NTM: variants seen among roughly 807,000 people sequenced by gnomAD.
The protein encoded by NTM is neurotrimin.
A neutral mutation model predicts 42.1 loss-of-function variants in NTM; 13 were observed. The observed-to-expected ratio is 0.31, with a 90% CI of 0.20 to 0.49. The LOEUF (loss-of-function observed/expected upper bound fraction) is 0.49. Ranked by LOEUF, NTM falls within the 20% of genes least tolerant of loss-of-function variation. The probability of loss-of-function intolerance (pLI) is 0.99; values close to 1 mark genes in which losing one functional copy is unlikely to be tolerated. For synonymous variants in NTM, 187 were observed against 179.2 expected (o/e 1.04, Z -0.35); for missense variants, 373 against 452.8 (o/e 0.82, Z 1.60).
rs373324067 is a variant in NTM at position 132,188,903 on chromosome 11, C to A, written c.401-23119C>A. The stretch of plus-strand genomic sequence containing the variant: ...GTGTGCATGGGAGCCATTTCCTCTG[C>A]CAACCATTTTGACTCTAGAAATGCG... On this transcript the variant is annotated intron_variant, in intron 3 of 8. Coordinates refer to ENST00000683400, the MANE Select transcript of NTM (RefSeq NM_001352005.2). 9.2e-5 allele frequency among the ~76,000 whole-genome samples: 14 copies of A among 152,270 alleles called. No homozygotes were observed. In the South Asian group the frequency reaches 2.7e-3, roughly 29 times the overall value.
intron 1 of NTM, among the ~76,000 whole-genome samples, chr11:131,720,287 A>T (rs952996486): frequency 7.2e-5 from 11 of 152,218 alleles, no homozygotes; most frequent in Admixed American, 5.2e-4. Flanking sequence ...CAGAAAAGCC[A>T]TATGCCTTGA....
chr11:132,101,766 G>A (rs2136564357), intron 2 of NTM, among the ~76,000 whole-genome samples: 1 of 152,254 alleles, frequency 6.6e-6, no homozygotes, highest in South Asian at 2.1e-4. Flanking sequence ...TGCCTTAACT[G>A]TTGCCATAAT....
At chr11:131,968,219 A>ATGCT (rs745484808) in intron 2 of NTM, among the ~76,000 whole-genome samples, 12 of 152,228 alleles carry the variant, frequency 7.9e-5, no homozygotes, top group Non-Finnish European at 1.6e-4. Flanking sequence ...AGACGTAAGC[A>ATGCT]GGCTGTGACT....
chr11:131,499,890 TTTA>T (rs774618263), intron 1 of NTM, among the ~76,000 whole-genome samples: 14 of 152,278 alleles, frequency 9.2e-5, no homozygotes, highest in Non-Finnish European at 1.2e-4. Flanking sequence ...TTGTTTATCT[TTTA>T]TTATTTTAGG....
chr11:131,658,790 C>T (rs1200971795), intron 1 of NTM, among the ~76,000 whole-genome samples: 3 of 152,076 alleles, frequency 2.0e-5, no homozygotes, highest in African/African-American at 7.2e-5. Context: ...GACAGCATGG[C>T]AAAACCCTGT....
At chr11:132,312,980 A>C (rs554610204) in intron 6 of NTM, among the ~76,000 whole-genome samples, 1 of 152,306 alleles carries the variant, frequency 6.6e-6, no homozygotes, top group African/African-American at 2.4e-5. Context: ...CATCTACATA[A>C]TGAAAAGCAA....
intron 1 of NTM, among the ~76,000 whole-genome samples, chr11:131,452,164 G>T (rs149754144): frequency 3.3e-4 from 51 of 152,330 alleles, no homozygotes; most frequent in African/African-American, 1.2e-3. Context: ...ACTTCTGAAT[G>T]TGTGGAGTTT....
chr11:131,464,882 G>A (rs1591747123), intron 1 of NTM, among the ~76,000 whole-genome samples: 1 of 152,312 alleles, frequency 6.6e-6, no homozygotes, highest in Non-Finnish European at 1.5e-5. Flanking sequence ...TGCCGGTCTG[G>A]GTTGATAGCT....
At chr11:131,970,759 C>T (rs79485494) in intron 2 of NTM, among the ~76,000 whole-genome samples, 2,480 of 152,304 alleles carry the variant, frequency 0.016, 59 homozygotes, top group African/African-American at 0.053. Context: ...TTGAGTTAAT[C>T]ACATTCCTCA....
intron 3 of NTM, among the ~76,000 whole-genome samples, chr11:132,174,871 G>A (rs1170551705): frequency 6.6e-6 from 1 of 152,046 alleles, no homozygotes; most frequent in Non-Finnish European, 1.5e-5. Flanking sequence ...GGAGAGAGAG[G>A]TTATTGTCAG....
chr11:132,123,863 T>C (rs781419210), intron 2 of NTM, among the ~76,000 whole-genome samples: 1 of 152,144 alleles, frequency 6.6e-6, no homozygotes, highest in Non-Finnish European at 1.5e-5. Context: ...TCCTTAGGAC[T>C]CTGCACCCAT....
At chr11:131,532,012 T>C (rs980134203) in intron 1 of NTM, among the ~76,000 whole-genome samples, 1 of 152,204 alleles carries the variant, frequency 6.6e-6, no homozygotes, top group Non-Finnish European at 1.5e-5. Flanking sequence ...CCTTCATGTA[T>C]GTGTGTTGCT....
At chr11:131,998,732 C>T (rs2068607670) in intron 2 of NTM, among the ~76,000 whole-genome samples, 1 of 152,174 alleles carries the variant, frequency 6.6e-6, no homozygotes, top group South Asian at 2.1e-4. Flanking sequence ...TCTTGCCTTA[C>T]CTTCTTTCTA....
chr11:132,131,630 A>T (rs1436285910), intron 2 of NTM, among the ~76,000 whole-genome samples: 1 of 152,082 alleles, frequency 6.6e-6, no homozygotes, highest in Non-Finnish European at 1.5e-5. Flanking sequence ...ATGCCACACT[A>T]AGGAAGCTGC....
chr11:132,243,385 A>G (rs1378551409), intron 4 of NTM, among the ~76,000 whole-genome samples: 1 of 152,174 alleles, frequency 6.6e-6, no homozygotes, highest in East Asian at 1.9e-4. Flanking sequence ...GCTATTTCGC[A>G]TTATTGGGGG....
In NTM at chr11:131,466,963, G is replaced by A. The variant is rs145767740; in HGVS notation, c.82+96075G>A. 3.7e-3 allele frequency among the ~76,000 whole-genome samples: 570 copies of A among 152,252 alleles called. 5 individuals are homozygous for A. Among genetic ancestry groups the A allele is most frequent in the African/African-American group, 0.012 (511 of 41,550 alleles). On this transcript the variant is annotated intron_variant, in intron 1 of 8. Transcript: ENST00000683400. ...TCACTGCACACTCACTGACACACAC[G>A]TGTGCACACATGTGCATACACGTAC...
intron 4 of NTM, among the ~76,000 whole-genome samples, chr11:132,276,858 G>A (rs2093745349): frequency 6.6e-6 from 1 of 152,112 alleles, no homozygotes. Flanking sequence ...TAAAAGTCTT[G>A]GCCAAGAGTA....
intron 1 of NTM, among the ~76,000 whole-genome samples, chr11:131,600,840 A>G (rs2060419669): frequency 6.6e-6 from 1 of 150,682 alleles, no homozygotes; most frequent in Admixed American, 6.6e-5. Flanking sequence ...CTGTATAAAC[A>G]TTCACTTTTT....
chr11:132,216,871 C>A (rs1314018036), intron 4 of NTM, among the ~76,000 whole-genome samples: 1 of 152,216 alleles, frequency 6.6e-6, no homozygotes, highest in Admixed American at 6.5e-5. Flanking sequence ...GCTGGCGAGT[C>A]TCCAGGACAT....
Sources: allele counts gnomAD v4.1 joint callset (sites outside exome capture counted in the v4.1 genomes callset), GRCh38; gene constraint gnomAD v4.1.1; transcripts MANE v1.5; gene names NCBI Gene and HGNC (gene_info 2026-07-23, HGNC 2026-07-21).